SND1: variants seen among roughly 807,000 people sequenced by gnomAD.
The protein encoded by SND1 is staphylococcal nuclease domain-containing protein 1.
Under a neutral mutation model 121.7 loss-of-function variants are expected in SND1, and 38 were observed. The ratio of observed to expected loss-of-function variants is 0.31; its 90% confidence interval spans 0.24 to 0.41. SND1 has a LOEUF of 0.41. Ranked by LOEUF, SND1 falls within the 10% of genes least tolerant of loss-of-function variation. The pLI, the probability that SND1 is intolerant of heterozygous loss-of-function variation, is 1.00. For synonymous variants in SND1, 401 were observed against 447.4 expected, an observed-to-expected ratio of 0.90 and a Z score of 1.31; for missense variants, 868 against 1,184.6, an observed-to-expected ratio of 0.73 and a Z score of 3.92.
intron 10 of SND1, among the ~76,000 whole-genome samples, chr7:127,735,745 G>A (rs1031870973): frequency 1.3e-5 from 2 of 152,120 alleles, no homozygotes; most frequent in African/African-American, 4.8e-5. Flanking sequence ...TCGTGCCTCA[G>A]CCTCCCAACT....
At position 127,702,680 on chromosome 7, in the gene SND1, G is replaced by A. The variant is rs57049394; in HGVS notation, c.681+154G>A. Among the ~76,000 whole-genome samples the A allele has an allele frequency of 5.3e-5, 8 of 152,254 alleles. No individual in the cohort carries two copies. In the East Asian group the frequency reaches 9.6e-4, roughly 18 times the overall value. On this transcript the variant is annotated intron_variant, in intron 6 of 23. Transcript: ENST00000354725. Reference sequence around the variant, plus strand: ...TGTTTTAGTTTAAACTTTGTAGTACGACAGTTCTAATTGGATCAAATTATT... The same window carrying A: ...TGTTTTAGTTTAAACTTTGTAGTACAACAGTTCTAATTGGATCAAATTATT...
chr7:127,922,412 G>A (rs759056), intron 14 of SND1, among the ~76,000 whole-genome samples: 135,483 of 151,902 alleles, frequency 0.89, 60,700 homozygotes, highest in African/African-American at 0.96. Context: ...TGCTTTGCAT[G>A]TTTTCATTCT....
At chr7:127,952,354 G>A (rs1801480522) in intron 15 of SND1, among the ~76,000 whole-genome samples, 1 of 152,180 alleles carries the variant, frequency 6.6e-6, no homozygotes, top group Non-Finnish European at 1.5e-5. Flanking sequence ...TCTCCTGAGA[G>A]GCTGTTCTAC....
chr7:127,984,800 G>C (rs566958801), intron 15 of SND1, among the ~76,000 whole-genome samples: 3 of 152,166 alleles, frequency 2.0e-5, no homozygotes, highest in African/African-American at 7.2e-5. Context: ...TCTAATAGGA[G>C]CCTAGGTAGG....
intron 16 of SND1, among the ~76,000 whole-genome samples, chr7:128,066,288 C>G (rs1055007476): frequency 6.6e-6 from 1 of 152,248 alleles, no homozygotes. Flanking sequence ...CAGGCCTTTT[C>G]TTTTCAGGAG....
chr7:127,761,296 C>T (rs996662471), intron 10 of SND1, among the ~76,000 whole-genome samples: 2 of 152,118 alleles, frequency 1.3e-5, no homozygotes, highest in African/African-American at 4.8e-5. Context: ...TATGTAAATT[C>T]CTTTATAAAG....
At chr7:127,908,318 A>ATGTGTGTGTGTGTG (rs10579969) in intron 14 of SND1, among the ~76,000 whole-genome samples, 5 of 138,560 alleles carry the variant, frequency 3.6e-5, no homozygotes, top group Non-Finnish European at 3.1e-5. Context: ...ATAATAATAA[A>ATGTGTGTGTGTGTG]TGTGTGTGTG....
At chr7:127,836,268 G>T (rs373917742) in intron 11 of SND1, among the ~76,000 whole-genome samples, 3 of 152,102 alleles carry the variant, frequency 2.0e-5, no homozygotes, top group Non-Finnish European at 4.4e-5. Flanking sequence ...GTTTATAAAG[G>T]TTTATAGGCA....
intron 16 of SND1, among the ~76,000 whole-genome samples, chr7:128,005,897 C>A (rs1802962551): frequency 6.6e-6 from 1 of 152,170 alleles, no homozygotes; most frequent in Non-Finnish European, 1.5e-5. Flanking sequence ...CACCCCCAGC[C>A]CCCGACCTTT....
intron 16 of SND1, among the ~76,000 whole-genome samples, chr7:128,054,784 T>C (rs940940747): frequency 3.9e-5 from 6 of 152,178 alleles, no homozygotes; most frequent in Non-Finnish European, 8.8e-5. Context: ...AGCTCACCTA[T>C]GCCCATGAAT....
At chr7:128,035,076 C>T (rs1480005353) in intron 16 of SND1, among the ~76,000 whole-genome samples, 1 of 152,208 alleles carries the variant, frequency 6.6e-6, no homozygotes, top group Non-Finnish European at 1.5e-5. Flanking sequence ...GCTAAAAAAG[C>T]CAGCAGTGAT....
At chr7:127,933,470 G>A (rs1448168541) in intron 15 of SND1, among the ~76,000 whole-genome samples, 3 of 152,214 alleles carry the variant, frequency 2.0e-5, no homozygotes, top group Non-Finnish European at 2.9e-5. Context: ...ATACAGGACA[G>A]GGAAAAGTCT....
chr7:127,892,634 C>T (rs1347228950), intron 13 of SND1, among the ~76,000 whole-genome samples: 2 of 152,140 alleles, frequency 1.3e-5, no homozygotes, highest in Non-Finnish European at 2.9e-5. Flanking sequence ...TGTCTATCAT[C>T]AGCTGACCCC....
intron 15 of SND1, among the ~76,000 whole-genome samples, chr7:127,935,139 G>A (rs1175373307): frequency 6.6e-6 from 1 of 152,182 alleles, no homozygotes; most frequent in African/African-American, 2.4e-5. Context: ...TTGATTAAAG[G>A]TAGATTACAG....
intron 13 of SND1, among the ~76,000 whole-genome samples, chr7:127,903,947 G>A (rs755425450): frequency 6.6e-6 from 1 of 152,202 alleles, no homozygotes; most frequent in Admixed American, 6.5e-5. Context: ...CTTACCTGCT[G>A]ATGTCTGCAG....
chr7:127,940,174 C>T (rs781630231), intron 15 of SND1, among the ~76,000 whole-genome samples: 2 of 152,268 alleles, frequency 1.3e-5, no homozygotes, highest in Admixed American at 6.5e-5. Flanking sequence ...GAATGGGAAA[C>T]TTCCAGAAAT....
intron 16 of SND1, among the ~76,000 whole-genome samples, chr7:128,020,881 G>T (rs1803335540): frequency 6.6e-6 from 1 of 152,154 alleles, no homozygotes; most frequent in Non-Finnish European, 1.5e-5. Context: ...AGCACCTCCA[G>T]TGCTTGCCGT....
At chr7:127,807,763 T>C (rs75288244) in intron 11 of SND1, among the ~76,000 whole-genome samples, 190 bp downstream of exon 11, 212 of 152,260 alleles carry the variant, frequency 1.4e-3, no homozygotes, top group African/African-American at 4.8e-3. Flanking sequence ...AGGTTTAAAA[T>C]TGGGGCCCTG....
intron 15 of SND1, among the ~76,000 whole-genome samples, chr7:127,985,901 A>G (rs1197223015): frequency 6.6e-6 from 1 of 152,230 alleles, no homozygotes; most frequent in African/African-American, 2.4e-5. Context: ...CATGCAGTAG[A>G]CACCGTTGAC....
Sources: gnomAD v4.1 joint callset for allele counts (sites outside exome capture counted in the v4.1 genomes callset) on GRCh38, gnomAD v4.1.1 for gene constraint, MANE v1.5 for transcripts, NCBI Gene and HGNC (gene_info 2026-07-23, HGNC 2026-07-21) for gene names.